Variants in FOXP1 observed in about 807,000 individuals in gnomAD.
The protein encoded by FOXP1 is forkhead box protein P1.
FOXP1 carries 15 observed loss-of-function variants against 98.2 expected under a neutral mutation model. The ratio of observed to expected loss-of-function variants is 0.15; its 90% confidence interval spans 0.10 to 0.24. The LOEUF (loss-of-function observed/expected upper bound fraction) is 0.24, where lower values mean the gene tolerates loss of function less well. FOXP1 is among the 10% of genes least tolerant of loss of function. The pLI, the probability that FOXP1 is intolerant of heterozygous loss-of-function variation, is 1.00. For missense variants in FOXP1, 633 were observed against 848.5 expected (o/e 0.75, Z 3.15); for synonymous variants, 371 against 314.5 (o/e 1.18, Z -1.90).
intron 7 of FOXP1, among the ~76,000 whole-genome samples, chr3:71,073,970 T>C (rs1369947284): frequency 6.6e-6 from 1 of 152,042 alleles, no homozygotes; most frequent in East Asian, 1.9e-4. Context: ...GTGCAGGAAA[T>C]CCTCTAAAGA....
chr3:71,441,031 C>T (rs1035294596), intron 3 of FOXP1, among the ~76,000 whole-genome samples: 1 of 152,190 alleles, frequency 6.6e-6, no homozygotes, highest in Non-Finnish European at 1.5e-5. Flanking sequence ...TATGATAGTA[C>T]TTCAGGTTTT....
chr3:71,086,176 T>C (rs1426010683), intron 7 of FOXP1, among the ~76,000 whole-genome samples: 1 of 152,182 alleles, frequency 6.6e-6, no homozygotes, highest in Non-Finnish European at 1.5e-5. Context: ...ACTGCAAATA[T>C]CGGATTGAAA....
intron 3 of FOXP1, among the ~76,000 whole-genome samples, chr3:71,440,075 A>C (rs908902038): frequency 2.0e-5 from 3 of 152,182 alleles, no homozygotes; most frequent in African/African-American, 7.2e-5. Flanking sequence ...CATTTATATG[A>C]GGTATCTAGA....
rs577269704 is a variant in FOXP1 at position 71,510,130 on chromosome 3, G to A, written c.-297-16575C>T. Among the ~76,000 whole-genome samples, 26 of 151,792 alleles carry A rather than the reference G, an allele frequency of 1.7e-4. No homozygotes were observed. In the East Asian group the frequency reaches 3.7e-3, roughly 22 times the overall value. On this transcript the variant is annotated intron_variant, in intron 2 of 20. Coordinates refer to ENST00000649528, the MANE Select transcript of FOXP1 (RefSeq NM_001349338.3). ...CCGGAGGCGGAGGTTGTAGTGAGCC[G>A]AGATTGCGCCATTGCACTCCAGCCC... is the stretch of plus-strand genomic sequence containing the variant.
chr3:71,088,021 A>G (rs758458980), intron 7 of FOXP1, among the ~76,000 whole-genome samples: 1 of 152,218 alleles, frequency 6.6e-6, no homozygotes, highest in Non-Finnish European at 1.5e-5. Flanking sequence ...TTTTCAGAGA[A>G]GGCTAAGCCA....
At chr3:71,241,214 A>G (rs2067250562) in intron 5 of FOXP1, among the ~76,000 whole-genome samples, 1 of 147,592 alleles carries the variant, frequency 6.8e-6, no homozygotes, top group South Asian at 2.1e-4. Flanking sequence ...CATCTCAAAA[A>G]AACAAAACAA....
chr3:71,021,292 G>A (rs1161911487), intron 11 of FOXP1, among the ~76,000 whole-genome samples: 1 of 152,208 alleles, frequency 6.6e-6, no homozygotes, highest in Non-Finnish European at 1.5e-5. Flanking sequence ...GAATCATACA[G>A]TATATGTTCT....
chr3:71,436,093 G>C (rs1417365683), intron 3 of FOXP1, among the ~76,000 whole-genome samples: 1 of 151,790 alleles, frequency 6.6e-6, no homozygotes, highest in African/African-American at 2.4e-5. Context: ...GATTTTTCAG[G>C]GAATGTGGGT....
At chr3:70,968,891 GA>G (rs1450617480) in intron 19 of FOXP1, 1 of 152,186 alleles carries the variant, frequency 6.6e-6, no homozygotes, top group Non-Finnish European at 1.5e-5. Context: ...CAAACTCGTA[GA>G]AGAGAGGGAA....
chr3:71,505,735 A>G (rs567809052), intron 2 of FOXP1, among the ~76,000 whole-genome samples: 2 of 152,142 alleles, frequency 1.3e-5, no homozygotes, highest in African/African-American at 4.8e-5. Flanking sequence ...CTGAAGAGGG[A>G]TGCTTTCTAT....
intron 4 of FOXP1, chr3:71,302,609 T>G (rs1488776236): frequency 2.7e-5 from 4 of 147,546 alleles, no homozygotes; most frequent in Admixed American, 2.0e-4. Context: ...ACGAATTGCG[T>G]TTTTTTTTCT....
In FOXP1 at chr3:71,295,331, T is replaced by C. The variant is rs181063190; in HGVS notation, c.-12+4489A>G. Among the ~76,000 whole-genome samples the C allele has an allele frequency of 3.3e-3, 500 of 152,344 alleles. 3 individuals carry two copies. Among genetic ancestry groups the C allele is most frequent in the Admixed American group, 0.027 (418 of 15,296 alleles). ...GGTAAATGTTCAAATCACTCACATATACACTTTTAAAGGAACTTATATTTC... is the reference window on the plus strand; with the variant it reads ...GGTAAATGTTCAAATCACTCACATACACACTTTTAAAGGAACTTATATTTC... On this transcript the variant is annotated intron_variant, in intron 5 of 20. Coordinates refer to ENST00000649528, the MANE Select transcript of FOXP1 (RefSeq NM_001349338.3).
intron 4 of FOXP1, among the ~76,000 whole-genome samples, chr3:71,320,959 G>C (rs2075353233): frequency 6.6e-6 from 1 of 152,108 alleles, no homozygotes; most frequent in Non-Finnish European, 1.5e-5. Context: ...TTCCCTTGAA[G>C]TAAAATCATC....
intron 8 of FOXP1, among the ~76,000 whole-genome samples, chr3:71,052,873 G>A (rs967181350): frequency 2.6e-5 from 4 of 152,182 alleles, no homozygotes; most frequent in African/African-American, 9.6e-5. Context: ...ATTAAAATAA[G>A]GCAAAGAATG....
At chr3:71,431,082 G>A (rs1442782683) in intron 3 of FOXP1, among the ~76,000 whole-genome samples, 6 of 152,210 alleles carry the variant, frequency 3.9e-5, no homozygotes, top group Admixed American at 3.9e-4. Flanking sequence ...AGATGAGCCG[G>A]TGGACATGTC....
At chr3:71,371,711 C>A (rs907167676) in intron 3 of FOXP1, among the ~76,000 whole-genome samples, 1 of 152,172 alleles carries the variant, frequency 6.6e-6, no homozygotes, top group Non-Finnish European at 1.5e-5. Flanking sequence ...ATCATCTGAG[C>A]CCAGGAATTT....
intron 5 of FOXP1, among the ~76,000 whole-genome samples, chr3:71,279,552 T>C (rs1198327225): frequency 6.6e-6 from 1 of 152,080 alleles, no homozygotes; most frequent in African/African-American, 2.4e-5. Context: ...CAAACAAAAA[T>C]AAGCTGATGC....
chr3:71,411,033 T>A (rs2082688210), intron 3 of FOXP1, among the ~76,000 whole-genome samples: 1 of 152,206 alleles, frequency 6.6e-6, no homozygotes, highest in Non-Finnish European at 1.5e-5. Flanking sequence ...AACTCCAATG[T>A]TAGTCACATG....
chr3:71,475,612 G>C (rs1342302664), intron 3 of FOXP1, among the ~76,000 whole-genome samples: 1 of 152,164 alleles, frequency 6.6e-6, no homozygotes, highest in Non-Finnish European at 1.5e-5. Context: ...GGAGGGTGAG[G>C]TGGGCAGATC....
Sources: allele counts gnomAD v4.1 joint callset (sites outside exome capture counted in the v4.1 genomes callset), GRCh38; gene constraint gnomAD v4.1.1; transcripts MANE v1.5; gene names NCBI Gene and HGNC (gene_info 2026-07-23, HGNC 2026-07-21).